Variants in CCDC85A observed in about 807,000 individuals in gnomAD.
CCDC85A encodes coiled-coil domain-containing protein 85A.
CCDC85A carries 38 observed loss-of-function variants against 50.2 expected under a neutral mutation model. The ratio of observed to expected loss-of-function variants is 0.76; its 90% CI spans 0.58 to 0.99. The LOEUF is 0.99. CCDC85A is among the 50% of genes least tolerant of loss of function. The pLI, the probability that CCDC85A is intolerant of heterozygous loss-of-function variation, is 0.00. For synonymous variants in CCDC85A, 366 were observed against 301.4 expected (o/e 1.21, Z -2.22); for missense variants, 820 against 742.0 (o/e 1.11, Z -1.22).
rs114854767 is a variant in CCDC85A at position 56,229,563 on chromosome 2, C to T, written c.1240+36123C>T. 7.4e-3 allele frequency among the ~76,000 whole-genome samples: 1,131 copies of T among 151,916 alleles called. 12 individuals carry two copies. Among genetic ancestry groups the T allele is most frequent in the Middle Eastern group, 0.017 (5 of 294 alleles). On this transcript the variant is annotated intron_variant, in intron 2 of 5. Transcript: ENST00000407595. ...GAAGAGAGAAAAAGATAACTGAAAACGAAAGGAGAGAAAGAAAAACAGAAA... is the reference window on the plus strand; with the variant it reads ...GAAGAGAGAAAAAGATAACTGAAAATGAAAGGAGAGAAAGAAAAACAGAAA...
intron 2 of CCDC85A, among the ~76,000 whole-genome samples, chr2:56,217,445 A>AT (rs1021803776): frequency 2.0e-4 from 31 of 151,632 alleles, no homozygotes; most frequent in African/African-American, 7.2e-4. Flanking sequence ...TTTTTGGTTT[A>AT]TTTTTTATTG....
intron 2 of CCDC85A, among the ~76,000 whole-genome samples, chr2:56,314,632 C>T (rs1573235913): frequency 7.2e-6 from 1 of 138,654 alleles, no homozygotes; most frequent in African/African-American, 3.5e-5. Context: ...ATATTTCTTC[C>T]CCCAGTTTGT....
chr2:56,231,592 T>C (rs1205978675), intron 2 of CCDC85A, among the ~76,000 whole-genome samples: 1 of 152,158 alleles, frequency 6.6e-6, no homozygotes, highest in Non-Finnish European at 1.5e-5. Flanking sequence ...GTAAAAGAAC[T>C]TAGCCTTGGC....
intron 5 of CCDC85A, among the ~76,000 whole-genome samples, chr2:56,376,468 G>A (rs934847661): frequency 6.6e-6 from 1 of 152,100 alleles, no homozygotes; most frequent in African/African-American, 2.4e-5. Flanking sequence ...ATAGAAAACA[G>A]ATATATGGTG....
chr2:56,349,389 G>T (rs1290711009), intron 3 of CCDC85A, among the ~76,000 whole-genome samples: 1 of 152,142 alleles, frequency 6.6e-6, no homozygotes, highest in Non-Finnish European at 1.5e-5. Context: ...TGGAATAAAA[G>T]AGATAATTAG....
intron 2 of CCDC85A, among the ~76,000 whole-genome samples, chr2:56,260,504 C>CT (rs559325279): frequency 1.2e-4 from 18 of 152,174 alleles, no homozygotes; most frequent in Non-Finnish European, 2.2e-4. Context: ...TTTGTCCAAT[C>CT]TTTTTTTAGC....
At position 56,236,893 on chromosome 2, in the gene CCDC85A, T is replaced by C. The variant is rs565634094; in HGVS notation, c.1240+43453T>C. On this transcript the variant is annotated intron_variant, in intron 2 of 5. Transcript: ENST00000407595. ...GCTGAGTTACCAAAAAGGTATTAGA[T>C]TGTCTTTCAGGGAAGTAACAAGGTA... 3.3e-5 allele frequency among the ~76,000 whole-genome samples: 5 copies of C among 152,274 alleles called. No homozygotes were observed. In the East Asian group the frequency reaches 9.7e-4, roughly 29 times the overall value.
intron 2 of CCDC85A, among the ~76,000 whole-genome samples, chr2:56,326,364 G>A (rs940302249): frequency 6.6e-5 from 10 of 152,096 alleles, no homozygotes; most frequent in African/African-American, 2.4e-4. Context: ...TCAAATAAAT[G>A]TCATTAGCAT....
rs1256250855 is a variant in CCDC85A, at chr2:56,253,646, G to T, written c.1240+60206G>T. Among the ~76,000 whole-genome samples the T allele has an allele frequency of 2.0e-5, 3 of 152,314 alleles. No homozygotes were observed. In the East Asian group the frequency reaches 5.8e-4, roughly 29 times the overall value. Reference sequence around the variant, plus strand: ...TAAAAAAGTTATTGCAATATTCTAAGCTGGAGAGGAGGTGGCCTAGTCAAG... The same window carrying T: ...TAAAAAAGTTATTGCAATATTCTAATCTGGAGAGGAGGTGGCCTAGTCAAG... On this transcript the variant is annotated intron_variant, in intron 2 of 5. Coordinates refer to ENST00000407595, the MANE Select transcript of CCDC85A (RefSeq NM_001080433.2).
chr2:56,194,910 C>A (rs1007456268), intron 2 of CCDC85A, among the ~76,000 whole-genome samples: 1 of 146,668 alleles, frequency 6.8e-6, no homozygotes. Flanking sequence ...CAATTCTGTA[C>A]AAGAGATGCA....
At chr2:56,261,341 C>T (rs1199882232) in intron 2 of CCDC85A, among the ~76,000 whole-genome samples, 1 of 152,188 alleles carries the variant, frequency 6.6e-6, no homozygotes, top group Non-Finnish European at 1.5e-5. Flanking sequence ...GTGCACATCA[C>T]CAATGCATTT....
At chr2:56,204,416 T>G (rs981598315) in intron 2 of CCDC85A, among the ~76,000 whole-genome samples, 3 of 152,196 alleles carry the variant, frequency 2.0e-5, no homozygotes, top group African/African-American at 7.2e-5. Context: ...TCATCCATCA[T>G]AGAAAGTCTG....
At chr2:56,286,814 G>T (rs182171418) in intron 2 of CCDC85A, among the ~76,000 whole-genome samples, 36 of 152,282 alleles carry the variant, frequency 2.4e-4, no homozygotes, top group African/African-American at 8.4e-4. Context: ...TCCTGGTAGG[G>T]AATCTGGGGT....
chr2:56,280,040 A>G (rs1671133729), intron 2 of CCDC85A, among the ~76,000 whole-genome samples: 1 of 152,244 alleles, frequency 6.6e-6, no homozygotes, highest in Admixed American at 6.5e-5. Context: ...ATGGCATTTT[A>G]AAATTCCTCG....
chr2:56,230,223 T>C (rs1290679411), intron 2 of CCDC85A, among the ~76,000 whole-genome samples: 2 of 152,160 alleles, frequency 1.3e-5, no homozygotes, highest in Non-Finnish European at 2.9e-5. Context: ...TTACACTAAT[T>C]GAACTAAACC....
At chr2:56,269,411 G>C (rs1319903593) in intron 2 of CCDC85A, among the ~76,000 whole-genome samples, 1 of 151,834 alleles carries the variant, frequency 6.6e-6, no homozygotes, top group African/African-American at 2.4e-5. Flanking sequence ...AATGGTTGTG[G>C]TAATAGATTT....
intron 2 of CCDC85A, among the ~76,000 whole-genome samples, chr2:56,336,065 C>A (rs1300016081): frequency 6.6e-6 from 1 of 152,182 alleles, no homozygotes; most frequent in East Asian, 1.9e-4. Flanking sequence ...GAGACTAATT[C>A]TTAGAGAGCC....
chr2:56,315,503 T>A (rs926376095), intron 2 of CCDC85A, among the ~76,000 whole-genome samples: 2 of 152,152 alleles, frequency 1.3e-5, no homozygotes, highest in African/African-American at 4.8e-5. Context: ...TGCCAGACAC[T>A]GTGGGATATC....
chr2:56,287,077 A>G (rs1000876784), intron 2 of CCDC85A, among the ~76,000 whole-genome samples: 4 of 152,174 alleles, frequency 2.6e-5, no homozygotes, highest in East Asian at 3.9e-4. Flanking sequence ...CAGGGCTCCA[A>G]TGTCTCTCAG....
Sources: allele counts gnomAD v4.1 joint callset (sites outside exome capture counted in the v4.1 genomes callset), GRCh38; gene constraint gnomAD v4.1.1; transcripts MANE v1.5; gene names NCBI Gene and HGNC (gene_info 2026-07-23, HGNC 2026-07-21).